Variants in NUP42 observed in about 807,000 individuals in gnomAD.
NUP42 encodes the protein nucleoporin NUP42.
NUP42 carries 47 observed loss-of-function variants against 35.9 expected under a neutral mutation model. The ratio of observed to expected loss-of-function variants is 1.31; its 90% CI spans 1.04 to 1.67. The LOEUF is 1.67. Ranked by LOEUF, NUP42 falls within the 40% of genes most tolerant of loss-of-function variation. NUP42 has a pLI of 0.00. For synonymous variants in NUP42, 173 were observed against 173.3 expected, an observed-to-expected ratio of 1.00 and a Z score of 0.01; for missense variants, 514 against 492.2, an observed-to-expected ratio of 1.04 and a Z score of -0.42.
chr7:23,187,078 T>G lies in NUP42; in HGVS notation c.377T>G (p.Val126Gly), dbSNP rs533898471. Residue 126 changes from valine (V) to glycine (G), a missense_variant, in exon 3 of 7, where the codon GTT (valine) becomes GGT (glycine). Coordinates refer to ENST00000258742, the MANE Select transcript of NUP42 (RefSeq NM_007342.3). ...LLEGIVKDME[V>G]WESSGQWMFS... is the part of the protein sequence containing the mutation. ...GAAGGAATTGTAAAAGATATGGAGG[T>G]TTGGGAATCATCAGGGCAGTGGATG... The G allele has an allele frequency of 1.9e-6, 3 of 1,604,606 alleles. No homozygotes were observed. The highest frequency in any genetic ancestry group is 4.5e-5 in the East Asian group (2 of 44,652).
At chr7:23,193,834 G>T (rs1034710359) in intron 3 of NUP42, among the ~76,000 whole-genome samples, 2 of 152,222 alleles carry the variant, frequency 1.3e-5, no homozygotes, top group African/African-American at 2.4e-5. Context: ...GGAGGTGAGG[G>T]GGAGGCTCAG....
intron 5 of NUP42, among the ~76,000 whole-genome samples, chr7:23,198,000 G>A (rs1394299155): frequency 6.6e-6 from 1 of 151,926 alleles, no homozygotes; most frequent in Admixed American, 6.6e-5. Flanking sequence ...TGTAATCCCA[G>A]CACTTCGGGA....
intron 2 of NUP42, 120 bp downstream of exon 2, chr7:23,185,418 G>T: frequency 1.4e-6 from 1 of 710,850 alleles, no homozygotes. Flanking sequence ...TTTAAAAAAA[G>T]AAATAATGCA....
chr7:23,182,572 C>A, intron 1 of NUP42: 7 of 915,032 alleles, frequency 7.7e-6, no homozygotes, highest in Non-Finnish European at 7.9e-6. Flanking sequence ...ATCAGGACTT[C>A]ATTTTGGAGA....
chr7:23,186,680 T>G (rs928597110), intron 2 of NUP42, among the ~76,000 whole-genome samples: 1 of 152,216 alleles, frequency 6.6e-6, no homozygotes, highest in African/African-American at 2.4e-5. Flanking sequence ...TAGATTTTAA[T>G]TCCTAAAAAA....
intron 1 of NUP42, among the ~76,000 whole-genome samples, chr7:23,183,844 A>G (rs1356919082): frequency 6.1e-5 from 9 of 148,406 alleles, no homozygotes; most frequent in Non-Finnish European, 7.4e-5. Context: ...AGAAGAAGAT[A>G]CCATTAACTT....
In NUP42 at chr7:23,199,488, G is replaced by A; in HGVS notation, c.640G>A (p.Ala214Thr). 6.2e-7 allele frequency: 1 copy of A among 1,613,908 alleles called. No homozygotes were observed. The highest frequency in any genetic ancestry group is 8.5e-7 in the Non-Finnish European group (1 of 1,179,970). Reference protein sequence around the residue: ...LSDVKDGVNQAAPAFGFGSSQ... With the variant: ...LSDVKDGVNQTAPAFGFGSSQ... ...TGATGTAAAGGATGGAGTAAATCAAGCAGCACCTGCATTTGGATTTGGCAG... is the reference window on the plus strand; with the variant it reads ...TGATGTAAAGGATGGAGTAAATCAAACAGCACCTGCATTTGGATTTGGCAG... Residue 214 changes from alanine (A) to threonine (T), a missense_variant, in exon 6 of 7, where the codon GCA becomes ACA. Ala to Thr is a moderately conservative substitution (Grantham distance 58). Transcript: ENST00000258742.
chr7:23,196,127 T>A (rs1354225926), intron 4 of NUP42: 6 of 281,984 alleles, frequency 2.1e-5, no homozygotes, highest in Non-Finnish European at 1.9e-5. Context: ...ATATTACTAT[T>A]TTTATTATAA....
intron 5 of NUP42, among the ~76,000 whole-genome samples, chr7:23,198,739 A>G (rs1158975733): frequency 6.6e-6 from 1 of 152,246 alleles, no homozygotes; most frequent in Admixed American, 6.5e-5. Context: ...TTTTAATTAT[A>G]TAATAGTGGA....
intron 3 of NUP42, chr7:23,187,931 T>TGG: frequency 2.2e-6 from 1 of 456,198 alleles, no homozygotes; most frequent in Non-Finnish European, 3.8e-6. Flanking sequence ...TTTAGAATAT[T>TGG]CTCTGTCTCT....
In NUP42 at chr7:23,187,159, T is replaced by C; in HGVS notation, c.445+13T>C. ...CCTAATATTTCAGGTAACTGAAAAA[T>C]TGTGCATTTTTAAAGTATGTTCTAA... is the stretch of plus-strand genomic sequence containing the variant. On this transcript the variant is annotated intron_variant, in intron 3 of 6. Transcript: ENST00000258742. 1 of 1,551,412 alleles carries C rather than the reference T, an allele frequency of 6.4e-7. No individual in the cohort carries two copies. The highest frequency in any genetic ancestry group is 8.8e-7 in the Non-Finnish European group (1 of 1,134,406).
intron 4 of NUP42, 89 bp downstream of exon 4, chr7:23,196,004 G>A (rs1014012804): frequency 9.9e-6 from 7 of 710,440 alleles, no homozygotes; most frequent in South Asian, 3.7e-5. Context: ...TGGCAAAACC[G>A]ATGAGGTCTA....
chr7:23,197,125 G>T (rs1010941498), intron 5 of NUP42: 2 of 865,106 alleles, frequency 2.3e-6, no homozygotes, highest in Admixed American at 2.5e-5. Flanking sequence ...AGAATGTAAT[G>T]TATCGTTTTG....
Position 23,200,402 on chromosome 7 carries a change from GT to G in NUP42, c.933del (p.Phe311LeufsTer83). On this transcript the variant is annotated frameshift_variant, in exon 7 of 7. Coordinates refer to ENST00000258742, the MANE Select transcript of NUP42 (RefSeq NM_007342.3). LOFTEE classifies it low-confidence loss of function (END_TRUNC). ...TCATTCAAAAGCCCTGCAGCTTCCA[GT>G]TTTGGATCACCTGGATTTTCAGGAC... ...SFSFKSPAASSFGSPGFSGLP... is the reference protein window; with the variant it reads ...SFSFKSPAASXFGSPGFSGLP... The G allele has an allele frequency of 3.7e-6, 6 of 1,614,170 alleles. No individual in the cohort carries two copies. The highest frequency in any genetic ancestry group is 5.1e-6 in the Non-Finnish European group (6 of 1,180,016).
intron 2 of NUP42, among the ~76,000 whole-genome samples, chr7:23,186,284 T>G (rs1402151854): frequency 6.6e-6 from 1 of 152,240 alleles, no homozygotes; most frequent in Admixed American, 6.5e-5. Context: ...TCAGAACCAG[T>G]TGTAGACATG....
In NUP42 at chr7:23,200,468, T is replaced by G; in HGVS notation, c.995T>G (p.Val332Gly). 1 of 1,614,234 alleles carries G rather than the reference T, an allele frequency of 6.2e-7. No homozygotes were observed. Among genetic ancestry groups the G allele is most frequent in the Admixed American group, 1.7e-5 (1 of 60,020 alleles). ...SLATGPVRAP[V>G]APAFGGGSSV... ...GCAACAGGTCCTGTCAGAGCTCCAGTGGCCCCAGCCTTTGGAGGTGGCAGT... is the reference window on the plus strand; with the variant it reads ...GCAACAGGTCCTGTCAGAGCTCCAGGGGCCCCAGCCTTTGGAGGTGGCAGT... The change falls in exon 7 of 7, where the codon GTG (valine) becomes GGG (glycine). Residue 332 changes from valine to glycine, a missense_variant. By Grantham distance (109) the Val-to-Gly change is moderately radical. Coordinates refer to ENST00000258742, the MANE Select transcript of NUP42 (RefSeq NM_007342.3).
At chr7:23,187,422 G>A (rs991248585) in intron 3 of NUP42, 1 of 245,746 alleles carries the variant, frequency 4.1e-6, no homozygotes, top group Non-Finnish European at 7.7e-6. Context: ...GTACAACTTT[G>A]GAACCTCTTA....
chr7:23,200,086 G>A, intron 6 of NUP42, 82 bp from the exon 7 acceptor site: 1 of 992,238 alleles, frequency 1.0e-6, no homozygotes, highest in South Asian at 1.8e-5. Flanking sequence ...AAGAAAAAAA[G>A]ATAGGGGGAG....
In NUP42 at chr7:23,185,145, C is replaced by T. The variant is rs1274748631; in HGVS notation, c.197C>T (p.Ser66Phe). The change falls in exon 2 of 7, where the codon TCC becomes TTC. Residue 66 changes from serine to phenylalanine, a missense_variant. Coordinates refer to ENST00000258742, the MANE Select transcript of NUP42 (RefSeq NM_007342.3). ...NVIQPSSFSK[S>F]TPWGGSRDQE... ...ATCCAGCCATCCAGTTTCTCCAAATCCACACCATGGGGGGGCAGCAGAGAT... is the reference window on the plus strand; with the variant it reads ...ATCCAGCCATCCAGTTTCTCCAAATTCACACCATGGGGGGGCAGCAGAGAT... 1.2e-6 allele frequency: 2 copies of T among 1,614,178 alleles called. No homozygotes were observed. Among genetic ancestry groups the T allele is most frequent in the Admixed American group, 1.7e-5 (1 of 60,018 alleles).
Sources: gnomAD v4.1 joint callset for allele counts (sites outside exome capture counted in the v4.1 genomes callset) on GRCh38, gnomAD v4.1.1 for gene constraint, MANE v1.5 for transcripts, NCBI Gene and HGNC (gene_info 2026-07-23, HGNC 2026-07-21) for gene names.